Variants in SCN11A observed in about 807,000 individuals in gnomAD.
SCN11A encodes sodium voltage-gated channel alpha subunit 11.
SCN11A carries 122 observed loss-of-function variants against 162.2 expected under a neutral mutation model. The observed-to-expected ratio is 0.75, with a 90% CI of 0.65 to 0.87. SCN11A has a LOEUF of 0.87. Among genes scored for constraint, SCN11A ranks in the 40% least tolerant of loss-of-function variants. The probability of loss-of-function intolerance (pLI) is 0.00; values close to 1 mark genes in which losing one functional copy is unlikely to be tolerated. For missense variants in SCN11A, 2,015 were observed against 2,181.6 expected (o/e 0.92, Z 1.52); for synonymous variants, 758 against 751.5 (o/e 1.01, Z -0.14).
chr3:38,946,979 A>G (rs2066527764), intron 5 of SCN11A, 72 bp from the exon 6 acceptor site: 5 of 859,020 alleles, frequency 5.8e-6, no homozygotes, highest in Non-Finnish European at 7.5e-6. Context: ...TGACAAAACA[A>G]TATTTATCAT....
At chr3:38,859,666 G>C (rs1041756283) in intron 28 of SCN11A, among the ~76,000 whole-genome samples, 1 of 152,170 alleles carries the variant, frequency 6.6e-6, no homozygotes, top group African/African-American at 2.4e-5. Context: ...GATAGTGAAA[G>C]AAATCACACC....
At chr3:38,982,615 G>T (rs2030096434) in intron 2 of SCN11A, among the ~76,000 whole-genome samples, 1 of 152,152 alleles carries the variant, frequency 6.6e-6, no homozygotes, top group Non-Finnish European at 1.5e-5. Context: ...ATTTACTAAG[G>T]GAGGAAAATT....
chr3:38,962,809 C>T (rs1420760393), intron 2 of SCN11A, among the ~76,000 whole-genome samples: 6 of 151,938 alleles, frequency 3.9e-5, no homozygotes. Flanking sequence ...TATCATGCCA[C>T]TTCACTCAAG....
At chr3:39,045,793 G>A (rs923875351) in intron 1 of SCN11A, among the ~76,000 whole-genome samples, 2 of 152,154 alleles carry the variant, frequency 1.3e-5, no homozygotes, top group Non-Finnish European at 2.9e-5. Flanking sequence ...ATGCTAGCTA[G>A]AGCATTTAGG....
chr3:38,959,276 A>G (rs2066717509), intron 3 of SCN11A, among the ~76,000 whole-genome samples: 1 of 152,252 alleles, frequency 6.6e-6, no homozygotes, highest in Non-Finnish European at 1.5e-5. Flanking sequence ...TAGGTCTTAC[A>G]GAAATTGAGA....
chr3:39,018,295 T>C (rs1202527248), intron 2 of SCN11A, among the ~76,000 whole-genome samples: 1 of 152,238 alleles, frequency 6.6e-6, no homozygotes, highest in Non-Finnish European at 1.5e-5. Context: ...TCTGGGTTTC[T>C]TTCTGTGTGC....
At chr3:38,997,657 G>C (rs762614579) in intron 2 of SCN11A, among the ~76,000 whole-genome samples, 4 of 152,184 alleles carry the variant, frequency 2.6e-5, no homozygotes, top group Non-Finnish European at 5.9e-5. Flanking sequence ...CTAGAACAGT[G>C]GATAGAACAC....
chr3:38,964,502 A>G (rs2066769192), intron 2 of SCN11A, among the ~76,000 whole-genome samples: 1 of 152,226 alleles, frequency 6.6e-6, no homozygotes, highest in Non-Finnish European at 1.5e-5. Flanking sequence ...GAGATCATCA[A>G]GGAGCTGCAA....
intron 28 of SCN11A, among the ~76,000 whole-genome samples, chr3:38,854,872 C>T (rs139167172): frequency 1.3e-5 from 2 of 152,310 alleles, no homozygotes; most frequent in African/African-American, 4.8e-5. Flanking sequence ...GAATGCCATT[C>T]CTGACTGTAT....
Position 38,896,874 on chromosome 3 carries a change from T to C in SCN11A, c.2374A>G (p.Ile792Val), listed in dbSNP as rs144435092. ...ASSSLCVIVF[I>V]LITVIGKLVV... Reference sequence around the variant, plus strand: ...AGTTTTCCTATCACCGTGATCAATATGAAGACAATAACACACAATGATGAT... The same window carrying C: ...AGTTTTCCTATCACCGTGATCAATACGAAGACAATAACACACAATGATGAT... The change falls in exon 18 of 30, where the codon ATA (isoleucine) becomes GTA (valine). Residue 792 changes from isoleucine to valine, a missense_variant. Coordinates refer to ENST00000302328, the MANE Select transcript of SCN11A (RefSeq NM_001349253.2). The C allele has an allele frequency of 3.1e-6, 5 of 1,601,104 alleles. No individual in the cohort carries two copies. The highest frequency in any genetic ancestry group is 4.3e-6 in the Non-Finnish European group (5 of 1,171,172).
In SCN11A at chr3:38,925,139, T is replaced by C. The variant is rs147807728; in HGVS notation, c.712+276A>G. Among the ~76,000 whole-genome samples the C allele has an allele frequency of 4.7e-3, 715 of 152,168 alleles. 2 individuals are homozygous for C. The highest frequency in any genetic ancestry group is 6.8e-3 in the Middle Eastern group (2 of 294). ...CTCACATGCTACATAATGTACTTAT[T>C]TATTATAGTTGTTGCTTCGTGTCTG... On this transcript the variant is annotated intron_variant, in intron 9 of 29. Transcript: ENST00000302328.
chr3:38,944,252 T>C (rs1575322545), intron 7 of SCN11A, among the ~76,000 whole-genome samples: 1 of 152,176 alleles, frequency 6.6e-6, no homozygotes, highest in East Asian at 1.9e-4. Context: ...GCAGAGCAAA[T>C]TGATACAAAC....
At chr3:38,957,001 A>G (rs936578198) in intron 3 of SCN11A, among the ~76,000 whole-genome samples, 4 of 152,212 alleles carry the variant, frequency 2.6e-5, no homozygotes, top group African/African-American at 7.2e-5. Context: ...AAGGATTACC[A>G]TCAATAAGCT....
chr3:38,934,547 T>C (rs531592946), intron 7 of SCN11A, among the ~76,000 whole-genome samples: 6 of 151,318 alleles, frequency 4.0e-5, no homozygotes, highest in African/African-American at 1.5e-4. Flanking sequence ...ACCAAGCAAA[T>C]GGAAAACAAA....
intron 1 of SCN11A, among the ~76,000 whole-genome samples, chr3:39,044,598 G>A (rs1314578041): frequency 3.3e-5 from 5 of 151,774 alleles, no homozygotes; most frequent in Non-Finnish European, 5.9e-5. Flanking sequence ...AATTAAGAAG[G>A]ACATTTAAAA....
chr3:38,970,568 C>A (rs2066810605), intron 2 of SCN11A, among the ~76,000 whole-genome samples: 1 of 152,152 alleles, frequency 6.6e-6, no homozygotes, highest in Admixed American at 6.5e-5. Context: ...GCCTTTCAGA[C>A]ACTATTCAAG....
At chr3:38,985,736 T>C (rs2030217202) in intron 2 of SCN11A, among the ~76,000 whole-genome samples, 2 of 151,010 alleles carry the variant, frequency 1.3e-5, no homozygotes, top group Non-Finnish European at 2.9e-5. Flanking sequence ...ACATGTTGTT[T>C]AAAGTATTAG....
At chr3:38,898,131 G>A (rs757043130) in intron 17 of SCN11A, among the ~76,000 whole-genome samples, 5 of 152,100 alleles carry the variant, frequency 3.3e-5, no homozygotes, top group Non-Finnish European at 5.9e-5. Context: ...CCAGCTACTC[G>A]GGAGGCTGAC....
chr3:39,044,220 C>T (rs760018958), intron 1 of SCN11A, among the ~76,000 whole-genome samples: 9 of 151,942 alleles, frequency 5.9e-5, no homozygotes, highest in Non-Finnish European at 1.2e-4. Context: ...AGACAGACTC[C>T]AATACAATTA....
Sources: gnomAD v4.1 joint callset for allele counts (sites outside exome capture counted in the v4.1 genomes callset) on GRCh38, gnomAD v4.1.1 for gene constraint, MANE v1.5 for transcripts, NCBI Gene and HGNC (gene_info 2026-07-23, HGNC 2026-07-21) for gene names.